The following MYO9B variants were observed in gnomAD, a reference collection of about 807,000 sequenced individuals.
MYO9B encodes myosin IXB, also known as unconventional myosin-IXb.
In MYO9B, 71 loss-of-function variants were observed where a neutral mutation model predicts 229.5. The ratio of observed to expected loss-of-function variants is 0.31; its 90% confidence interval spans 0.26 to 0.38. MYO9B has a LOEUF of 0.38. MYO9B is among the 10% of genes least tolerant of loss of function. The pLI, the probability that MYO9B is intolerant of heterozygous loss-of-function variation, is 1.00. For synonymous variants in MYO9B, 1,185 were observed against 1,235.8 expected, an observed-to-expected ratio of 0.96 and a Z score of 0.86; for missense variants, 2,255 against 2,920.5, an observed-to-expected ratio of 0.77 and a Z score of 5.25.
intron 2 of MYO9B, among the ~76,000 whole-genome samples, chr19:17,138,180 T>G (rs576002130): frequency 6.6e-6 from 1 of 152,242 alleles, no homozygotes; most frequent in Non-Finnish European, 1.5e-5. Flanking sequence ...GATAGTTTGG[T>G]GAGAATGATG....
intron 3 of MYO9B, among the ~76,000 whole-genome samples, chr19:17,149,930 C>T (rs2072458533): frequency 6.6e-6 from 1 of 152,216 alleles, no homozygotes; most frequent in Admixed American, 6.5e-5. Flanking sequence ...ACATGAGTTT[C>T]CTCCTAGAAA....
intron 2 of MYO9B, among the ~76,000 whole-genome samples, chr19:17,126,902 T>TCCGCCC (rs1479083472): frequency 9.7e-6 from 1 of 103,046 alleles, no homozygotes; most frequent in Admixed American, 1.0e-4. Flanking sequence ...GACCTTGTGA[T>TCCGCCC]CCACCCCCAC....
rs765736974 is a variant in MYO9B at position 17,210,395 on chromosome 19, G to A, written c.5796+15G>A. On this transcript the variant is annotated intron_variant, in intron 37 of 39. Coordinates refer to ENST00000682292, the MANE Select transcript of MYO9B (RefSeq NM_004145.4). ...AGGGGGTCCTGGTATGTACGCGTTC[G>A]GTGGGCCCGCGGTGCATGTCTCCCG... is the stretch of plus-strand genomic sequence containing the variant. 12 of 1,583,898 alleles carry A rather than the reference G, an allele frequency of 7.6e-6. No individual in the cohort carries two copies. Among genetic ancestry groups the A allele is most frequent in the Admixed American group, 7.2e-5 (4 of 55,472 alleles).
intron 1 of MYO9B, among the ~76,000 whole-genome samples, chr19:17,088,048 C>T (rs1034821153): frequency 3.9e-5 from 6 of 152,038 alleles, no homozygotes; most frequent in Non-Finnish European, 7.4e-5. Flanking sequence ...TGCAGTGAGC[C>T]GAGATCGCAC....
In MYO9B at chr19:17,207,135, A is replaced by T. The variant is rs1197921107; in HGVS notation, c.5515A>T (p.Asn1839Tyr). 6.2e-7 allele frequency: 1 copy of T among 1,610,650 alleles called. No individual in the cohort carries two copies. The part of the protein sequence containing the change: ...LVKVALLEDV[N>Y]RMSPGALAII... ...CAGGGTGGCCCTGCTCGAGGATGTC[A>T]ACCGCATGTCACCTGGGGCGCTGGC... The change falls in exon 35 of 40, where the codon AAC becomes TAC. Residue 1839 changes from asparagine (N) to tyrosine (Y), a missense_variant. By Grantham distance (143) the Asn-to-Tyr change is moderately radical. Coordinates refer to ENST00000682292, the MANE Select transcript of MYO9B (RefSeq NM_004145.4).
intron 1 of MYO9B, among the ~76,000 whole-genome samples, chr19:17,099,687 G>A (rs182263216): frequency 2.6e-4 from 39 of 151,958 alleles, no homozygotes; most frequent in African/African-American, 8.7e-4. Context: ...GCGCGGTGGC[G>A]GGCGCCTGTT....
At chr19:17,106,632 C>G (rs73519661) in intron 2 of MYO9B, among the ~76,000 whole-genome samples, 3,579 of 152,314 alleles carry the variant, frequency 0.023, 156 homozygotes, top group African/African-American at 0.082. Flanking sequence ...AAACAGTGAT[C>G]TTGAAAATTC....
In MYO9B at chr19:17,184,971, T is replaced by G; in HGVS notation, c.2480T>G (p.Ile827Ser). 1 of 1,613,884 alleles carries G rather than the reference T, an allele frequency of 6.2e-7. No individual in the cohort carries two copies. The highest frequency in any genetic ancestry group is 8.5e-7 in the Non-Finnish European group (1 of 1,179,822). ...HLHKKKKPPS[I>S]SAQFQTSLNK... ...CACAAGAAGAAAAAGCCACCAAGCA[T>G]CAGCGCCCAGTTCCAGGTAGGTGGA... The change falls in exon 17 of 40, where the codon ATC becomes AGC. Residue 827 changes from isoleucine (I) to serine (S), a missense_variant. Around this residue, in one of 7 missense-constraint regions of MYO9B, gnomAD observed 68 missense variants for 133.5 expected, o/e 0.51. Coordinates refer to ENST00000682292, the MANE Select transcript of MYO9B (RefSeq NM_004145.4).
chr19:17,158,835 C>T (rs1016612497), intron 7 of MYO9B, among the ~76,000 whole-genome samples: 2 of 152,204 alleles, frequency 1.3e-5, no homozygotes, highest in Non-Finnish European at 2.9e-5. Flanking sequence ...ATACCCGGGC[C>T]ACGGAGCATG....
At chr19:17,134,391 T>G (rs1159784342) in intron 2 of MYO9B, among the ~76,000 whole-genome samples, 10 of 118,146 alleles carry the variant, frequency 8.5e-5, no homozygotes, top group East Asian at 2.3e-4. Flanking sequence ...GTTTTTTTTT[T>G]TTTTTTTTTT....
At chr19:17,091,236 G>GT (rs35521333) in intron 1 of MYO9B, among the ~76,000 whole-genome samples, 21,369 of 152,104 alleles carry the variant, frequency 0.14, 1,799 homozygotes, top group Non-Finnish European at 0.2. Flanking sequence ...TTTTTTGTTT[G>GT]TTTTTTTGAT....
At chr19:17,143,244 A>T (rs1022161729) in intron 2 of MYO9B, among the ~76,000 whole-genome samples, 1 of 151,868 alleles carries the variant, frequency 6.6e-6, no homozygotes, top group African/African-American at 2.4e-5. Context: ...TTTCAAAAAA[A>T]AAACAAACAA....
intron 14 of MYO9B, 117 bp from the exon 15 acceptor site, chr19:17,180,810 G>A (rs2072850631): frequency 4.8e-6 from 3 of 630,678 alleles, no homozygotes; most frequent in Non-Finnish European, 8.3e-6. Flanking sequence ...CCAGCTGCAT[G>A]TTTTGGCTTC....
chr19:17,122,905 A>G lies in MYO9B; in HGVS notation c.840+20348A>G, dbSNP rs77846862. ...GAAGCCAGGAGTTCAAGACCAGCCT[A>G]TACAACAAAGCAAAACCCTGTCTCT... is the stretch of plus-strand genomic sequence containing the variant. On this transcript the variant is annotated intron_variant, in intron 2 of 39. Transcript: ENST00000682292. Among the ~76,000 whole-genome samples the G allele has an allele frequency of 9.2e-3, 1,401 of 152,314 alleles. 26 individuals carry two copies. Among genetic ancestry groups the G allele is most frequent in the African/African-American group, 0.032 (1,334 of 41,566 alleles).
intron 2 of MYO9B, among the ~76,000 whole-genome samples, chr19:17,136,008 A>G (rs1266134674): frequency 1.3e-5 from 2 of 152,052 alleles, no homozygotes; most frequent in African/African-American, 4.8e-5. Context: ...GGCCACCAAC[A>G]GGACTGTCCC....
chr19:17,113,613 G>T (rs959017254), intron 2 of MYO9B, among the ~76,000 whole-genome samples: 1 of 152,118 alleles, frequency 6.6e-6, no homozygotes, highest in East Asian at 1.9e-4. Context: ...GGCCCTGACC[G>T]CAAGCTACTG....
chr19:17,148,350 G>C (rs923918158), intron 3 of MYO9B, among the ~76,000 whole-genome samples: 1 of 152,190 alleles, frequency 6.6e-6, no homozygotes, highest in Non-Finnish European at 1.5e-5. Flanking sequence ...TTTCCTAGGA[G>C]GGACTGCCAT....
At chr19:17,184,246 G>C (rs2072892611) in intron 16 of MYO9B, among the ~76,000 whole-genome samples, 1 of 152,202 alleles carries the variant, frequency 6.6e-6, no homozygotes, top group South Asian at 2.1e-4. Flanking sequence ...AACGTAATGG[G>C]ACCCTTCCGT....
chr19:17,194,721 A>C lies in MYO9B; in HGVS notation c.3294A>C (p.Ala1098=). 1 of 1,612,910 alleles carries C rather than the reference A, an allele frequency of 6.2e-7. No individual in the cohort carries two copies. The highest frequency in any genetic ancestry group is 8.5e-7 in the Non-Finnish European group (1 of 1,179,862). ...CAGCGGAGGATGGCGGGCACCTGGCATCGGAGCCTGAGGTGCAGCCAAGTG... is the reference window on the plus strand; with the variant it reads ...CAGCGGAGGATGGCGGGCACCTGGCCTCGGAGCCTGAGGTGCAGCCAAGTG... ...PEPAEDGGHL[A]SEPEVQPSDR... Residue 1098 remains alanine, a synonymous_variant, in exon 22 of 40, where the codon GCA becomes GCC. Coordinates refer to ENST00000682292, the MANE Select transcript of MYO9B (RefSeq NM_004145.4).
Sources: allele counts gnomAD v4.1 joint callset (sites outside exome capture counted in the v4.1 genomes callset), GRCh38; gene constraint gnomAD v4.1.1; regional missense constraint gnomAD v4.1.1; transcripts MANE v1.5; gene names NCBI Gene and HGNC (gene_info 2026-07-23, HGNC 2026-07-21).